The following MRAP2 variants were observed in gnomAD, a reference collection of about 807,000 sequenced individuals.
The protein encoded by MRAP2 is melanocortin 2 receptor accessory protein 2, also known as melanocortin-2 receptor accessory protein 2.
MRAP2 carries 20 observed loss-of-function variants against 17.4 expected under a neutral mutation model. The observed-to-expected ratio is 1.15, with a 90% CI of 0.81 to 1.67. The LOEUF (loss-of-function observed/expected upper bound fraction) is 1.67. MRAP2 is among the 40% of genes most tolerant of loss of function. MRAP2 has a pLI of 0.00. For missense variants in MRAP2, 238 were observed against 240.0 expected, an observed-to-expected ratio of 0.99 and a Z score of 0.05; for synonymous variants, 96 against 88.4, an observed-to-expected ratio of 1.09 and a Z score of -0.48.
At chr6:84,049,957 CGAA>C (rs2099489994) in intron 1 of MRAP2, among the ~76,000 whole-genome samples, 1 of 146,676 alleles carries the variant, frequency 6.8e-6, no homozygotes, top group African/African-American at 2.7e-5. Context: ...CATTTGAAAA[CGAA>C]GAGCCCAGCG....
At chr6:84,075,918 A>G (rs1259452320) in intron 3 of MRAP2, among the ~76,000 whole-genome samples, 1 of 152,240 alleles carries the variant, frequency 6.6e-6, no homozygotes, top group African/African-American at 2.4e-5. Context: ...GATATTGACC[A>G]TGGCCACAGG....
At chr6:84,077,421 T>C (rs2099497893) in intron 3 of MRAP2, among the ~76,000 whole-genome samples, 1 of 152,138 alleles carries the variant, frequency 6.6e-6, no homozygotes, top group African/African-American at 2.4e-5. Context: ...GGCTAGACTG[T>C]AGGATTAGCA....
In MRAP2 at chr6:84,089,357, A is replaced by T; in HGVS notation, c.494A>T (p.Asp165Val). The change falls in exon 4 of 4, where the codon GAC (aspartate) becomes GTC (valine). Residue 165 changes from aspartate (D) to valine (V), a missense_variant. By Grantham distance (152) the Asp-to-Val change is radical (BLOSUM62 -3). Coordinates refer to ENST00000257776, the MANE Select transcript of MRAP2 (RefSeq NM_138409.4). ...EEELNRLMKFDIPNFVNTDQN... is the reference protein window; with the variant it reads ...EEELNRLMKFVIPNFVNTDQN... ...GAGCTGAACAGGCTCATGAAGTTTG[A>T]CATCCCCAACTTTGTGAACACAGAC... 2 of 1,614,180 alleles carry T rather than the reference A, an allele frequency of 1.2e-6. No homozygotes were observed. Among genetic ancestry groups the T allele is most frequent in the Non-Finnish European group, 1.7e-6 (2 of 1,180,014 alleles).
At chr6:84,084,288 T>TC (rs1219176766) in intron 3 of MRAP2, among the ~76,000 whole-genome samples, 6 of 149,066 alleles carry the variant, frequency 4.0e-5, no homozygotes, top group African/African-American at 2.5e-5. Flanking sequence ...CAGGTTTTTT[T>TC]TCCAGCTTTT....
Position 84,078,075 on chromosome 6 carries a change from G to A in MRAP2, c.228-11016G>A, listed in dbSNP as rs2099498042. Among the ~76,000 whole-genome samples, 4 of 152,196 alleles carry A rather than the reference G, an allele frequency of 2.6e-5. No individual in the cohort carries two copies. The South Asian group carries it at 6.2e-4, about 24-fold the overall frequency. The stretch of plus-strand genomic sequence containing the variant: ...AAGCATAGGAGAATATCTTCATGAT[G>A]TTAGGGTAGGCAATTGTGTCTTAGA... On this transcript the variant is annotated intron_variant, in intron 3 of 3. Transcript: ENST00000257776.
intron 3 of MRAP2, among the ~76,000 whole-genome samples, chr6:84,075,525 T>A (rs2099497366): frequency 6.6e-6 from 1 of 152,208 alleles, no homozygotes; most frequent in African/African-American, 2.4e-5. Context: ...TTCCTCCTGC[T>A]TTCTGAGCTA....
chr6:84,076,561 C>T lies in MRAP2; in HGVS notation c.228-12530C>T, dbSNP rs540535290. Among the ~76,000 whole-genome samples, 194 of 152,072 alleles carry T rather than the reference C, an allele frequency of 1.3e-3. 1 individual carries two copies. Among genetic ancestry groups the T allele is most frequent in the Non-Finnish European group, 4.7e-4 (32 of 67,976 alleles). Reference sequence around the variant, plus strand: ...TTTTAGTAGAGACAGGGTTTCACCACGTTGCCCAGGCTGGTCCCAAACTCC... The same window carrying T: ...TTTTAGTAGAGACAGGGTTTCACCATGTTGCCCAGGCTGGTCCCAAACTCC... On this transcript the variant is annotated intron_variant, in intron 3 of 3. Transcript: ENST00000257776.
At chr6:84,124,009 G>A in the MRAP2 span, among the ~76,000 whole-genome samples, 1 of 151,970 alleles carries the variant, frequency 6.6e-6, no homozygotes, top group South Asian at 2.1e-4. Flanking sequence ...ACCACACTGA[G>A]ATACCATCTT....
the MRAP2 span, among the ~76,000 whole-genome samples, chr6:84,096,362 T>C: frequency 6.6e-6 from 1 of 152,172 alleles, no homozygotes; most frequent in Admixed American, 6.5e-5. Context: ...TGTTAAAAAT[T>C]TAACACAAAT....
At chr6:84,055,014 T>G (rs2099491337) in intron 1 of MRAP2, among the ~76,000 whole-genome samples, 2 of 152,220 alleles carry the variant, frequency 1.3e-5, no homozygotes, top group Non-Finnish European at 2.9e-5. Context: ...CTCCTTTCCT[T>G]CTTTCCTTCA....
the MRAP2 span, among the ~76,000 whole-genome samples, chr6:84,134,686 A>C: frequency 6.6e-6 from 1 of 152,040 alleles, no homozygotes; most frequent in Non-Finnish European, 1.5e-5. Flanking sequence ...CCACTGTCTA[A>C]CCAGTTCCAA....
chr6:84,099,449 A>T, the MRAP2 span, among the ~76,000 whole-genome samples: 1 of 152,122 alleles, frequency 6.6e-6, no homozygotes, highest in Non-Finnish European at 1.5e-5. Flanking sequence ...TGCCCCCTCC[A>T]AATCTCATGT....
the MRAP2 span, chr6:84,126,377 C>T: frequency 3.2e-6 from 5 of 1,580,270 alleles, no homozygotes; most frequent in Non-Finnish European, 4.3e-6. Context: ...ATTTACTTTA[C>T]CTGTTGAAGT....
rs1167065418 is a variant in MRAP2 at position 84,046,349 on chromosome 6, C to T, written c.-7-8963C>T. 2.6e-5 allele frequency among the ~76,000 whole-genome samples: 4 copies of T among 152,054 alleles called. 1 individual carries two copies. The highest frequency in any genetic ancestry group is 1.3e-4 in the Admixed American group (2 of 15,268). On this transcript the variant is annotated intron_variant, in intron 1 of 3. Transcript: ENST00000257776. ...CAGTTTAATGAAATTAGGGTGCTTC[C>T]TTTTTGTCGTTGGGAAGCTGCTAAT... is the stretch of plus-strand genomic sequence containing the variant.
At chr6:84,044,336 G>A (rs940669005) in intron 1 of MRAP2, among the ~76,000 whole-genome samples, 13 of 152,160 alleles carry the variant, frequency 8.5e-5, no homozygotes, top group African/African-American at 2.9e-4. Context: ...AAAGGCATGC[G>A]CCACCACACC....
In MRAP2 at chr6:84,090,283, CA is replaced by C. The variant is rs1482350374; in HGVS notation, c.*803del. On this transcript the variant is annotated 3_prime_UTR_variant, in exon 4 of 4. Coordinates refer to ENST00000257776, the MANE Select transcript of MRAP2 (RefSeq NM_138409.4). The stretch of plus-strand genomic sequence containing the variant: ...AACCCTAATTGAGCCAAGCTTTAGT[CA>C]GGGGATCTGGTTGTCTACCAGAATG... The C allele has an allele frequency of 2.6e-5, 4 of 152,148 alleles. No individual in the cohort carries two copies. Among genetic ancestry groups the C allele is most frequent in the Non-Finnish European group, 4.4e-5 (3 of 68,050 alleles). The allele number at this position is 152,148 out of a possible 1,614,324, so 9.4% of individuals were successfully genotyped here.
chr6:84,062,957 G>A lies in MRAP2; in HGVS notation c.192G>A (p.Leu64=). 6.2e-7 allele frequency: 1 copy of A among 1,614,144 alleles called. No individual in the cohort carries two copies. The highest frequency in any genetic ancestry group is 8.5e-7 in the Non-Finnish European group (1 of 1,180,036). The part of the protein sequence containing the change: ...AVFVIFMFFV[L]TLLTKTGAPH... Reference sequence around the variant, plus strand: ...TCGTGATTTTTATGTTTTTTGTGCTGACCTTGCTGACCAAGACAGGAGCCC... The same window carrying A: ...TCGTGATTTTTATGTTTTTTGTGCTAACCTTGCTGACCAAGACAGGAGCCC... Residue 64 remains leucine (L), a synonymous_variant, in exon 3 of 4, where the codon CTG becomes CTA. Coordinates refer to ENST00000257776, the MANE Select transcript of MRAP2 (RefSeq NM_138409.4).
chr6:84,140,721 C>T, the MRAP2 span, among the ~76,000 whole-genome samples: 26 of 152,148 alleles, frequency 1.7e-4, no homozygotes, highest in Middle Eastern at 3.4e-3. Context: ...GATGATGTCT[C>T]GTCATATTGC....
chr6:84,034,643 G>A (rs2099485504), intron 1 of MRAP2, among the ~76,000 whole-genome samples: 1 of 151,892 alleles, frequency 6.6e-6, no homozygotes, highest in Non-Finnish European at 1.5e-5. Flanking sequence ...CAGAATCTCA[G>A]CCACTACTCT....
Sources: gnomAD v4.1 joint callset for allele counts (sites outside exome capture counted in the v4.1 genomes callset) on GRCh38, gnomAD v4.1.1 for gene constraint, MANE v1.5 for transcripts, NCBI Gene and HGNC (gene_info 2026-07-23, HGNC 2026-07-21) for gene names.